ZNF804A: variants seen among roughly 807,000 people sequenced by gnomAD.
ZNF804A encodes zinc finger protein 804A.
Under a neutral mutation model 16.5 loss-of-function variants are expected in ZNF804A, and 2 were observed. That is an observed-to-expected ratio of 0.12 (90% CI 0.05 to 0.38). The LOEUF is 0.38. Ranked by LOEUF, ZNF804A falls within the 10% of genes least tolerant of loss-of-function variation. The pLI, the probability that ZNF804A is intolerant of heterozygous loss-of-function variation, is 0.99. For missense variants in ZNF804A, 1,473 were observed against 1,390.7 expected, an observed-to-expected ratio of 1.06 and a Z score of -0.94; for synonymous variants, 534 against 489.6, an observed-to-expected ratio of 1.09 and a Z score of -1.20.
At chr2:184,720,709 T>A (rs1693298980) in intron 1 of ZNF804A, among the ~76,000 whole-genome samples, 1 of 152,062 alleles carries the variant, frequency 6.6e-6, no homozygotes, top group Non-Finnish European at 1.5e-5. Flanking sequence ...TTCAGTGCAA[T>A]CTCTATCAAA....
chr2:184,750,084 G>T lies in ZNF804A; in HGVS notation c.112-116285G>T, dbSNP rs191991410. Among the ~76,000 whole-genome samples, 75 of 151,340 alleles carry T rather than the reference G, an allele frequency of 5.0e-4. No individual in the cohort carries two copies. The East Asian group carries it at 8.2e-3, about 16-fold the overall frequency. ...AGTTACATCGAGACTGTATATATGT[G>T]TTGTTCTTTCTTTGTACTAATTTTT... is the stretch of plus-strand genomic sequence containing the variant. On this transcript the variant is annotated intron_variant, in intron 1 of 3. Transcript: ENST00000302277.
chr2:184,717,508 T>C (rs944035253), intron 1 of ZNF804A, among the ~76,000 whole-genome samples: 2 of 152,176 alleles, frequency 1.3e-5, no homozygotes, highest in African/African-American at 4.8e-5. Flanking sequence ...GAATTCTTTG[T>C]GTTGAATACA....
chr2:184,643,939 A>G (rs1226146419), intron 1 of ZNF804A, among the ~76,000 whole-genome samples: 1 of 151,750 alleles, frequency 6.6e-6, no homozygotes, highest in Non-Finnish European at 1.5e-5. Flanking sequence ...CCTACTATGT[A>G]CCAATAATAA....
intron 2 of ZNF804A, among the ~76,000 whole-genome samples, chr2:184,886,949 T>C (rs1173589517): frequency 1.3e-5 from 2 of 152,240 alleles, no homozygotes; most frequent in Non-Finnish European, 2.9e-5. Flanking sequence ...GGTTCTTTGC[T>C]ACTTAAACAA....
rs202130822 is a variant in ZNF804A, at chr2:184,711,832, TTCTG to T, written c.111+112770_111+112773del. Among the ~76,000 whole-genome samples, 1,002 of 151,802 alleles carry T rather than the reference TTCTG, an allele frequency of 6.6e-3. 5 individuals carry two copies. Among genetic ancestry groups the T allele is most frequent in the African/African-American group, 0.022 (906 of 41,516 alleles). On this transcript the variant is annotated intron_variant, in intron 1 of 3. Transcript: ENST00000302277. ...CTGGGCTTTCTATTCTGTTCCATTA[TTCTG>T]TCTGTCTATTTTAATTTCATTATTA...
intron 1 of ZNF804A, among the ~76,000 whole-genome samples, chr2:184,604,562 C>T (rs764621218): frequency 2.6e-5 from 4 of 152,132 alleles, no homozygotes; most frequent in Non-Finnish European, 4.4e-5. Flanking sequence ...CAAATTCAGG[C>T]TGCCAAATTA....
intron 1 of ZNF804A, among the ~76,000 whole-genome samples, chr2:184,616,105 A>G (rs1691314444): frequency 6.6e-6 from 1 of 152,168 alleles, no homozygotes; most frequent in Non-Finnish European, 1.5e-5. Context: ...TTTTGCTGAG[A>G]AACATGACTA....
intron 2 of ZNF804A, among the ~76,000 whole-genome samples, chr2:184,884,512 A>G (rs1349607054): frequency 6.6e-6 from 1 of 152,174 alleles, no homozygotes; most frequent in Non-Finnish European, 1.5e-5. Flanking sequence ...ACTTAAAAAA[A>G]AAATCAAAGC....
chr2:184,693,451 G>A (rs768213925), intron 1 of ZNF804A, among the ~76,000 whole-genome samples: 15 of 152,028 alleles, frequency 9.9e-5, no homozygotes, highest in East Asian at 1.9e-4. Flanking sequence ...TTTATAATCC[G>A]CAGCTCATAA....
intron 2 of ZNF804A, among the ~76,000 whole-genome samples, chr2:184,914,160 A>G (rs1319923507): frequency 6.6e-6 from 1 of 152,182 alleles, no homozygotes; most frequent in Non-Finnish European, 1.5e-5. Context: ...ATCCTGCCAC[A>G]CATGCATTTT....
chr2:184,930,055 CA>C (rs1471507210), intron 2 of ZNF804A, among the ~76,000 whole-genome samples: 1 of 152,040 alleles, frequency 6.6e-6, no homozygotes, highest in Non-Finnish European at 1.5e-5. Context: ...TAGAAACACA[CA>C]ATGAAAGTAA....
rs544401840 is a variant in ZNF804A, at chr2:184,608,607, C to G, written c.111+9537C>G. ...GTGACCTTGTCTGACATTAGTGTAT[C>G]GTGAAACTTTATATTTGACAAGAGA... On this transcript the variant is annotated intron_variant, in intron 1 of 3. Coordinates refer to ENST00000302277, the MANE Select transcript of ZNF804A (RefSeq NM_194250.2). Among the ~76,000 whole-genome samples, 3 of 152,204 alleles carry G rather than the reference C, an allele frequency of 2.0e-5. No homozygotes were observed. The East Asian group carries it at 5.8e-4, about 29-fold the overall frequency.
At chr2:184,882,945 T>G (rs1345509665) in intron 2 of ZNF804A, among the ~76,000 whole-genome samples, 1 of 151,820 alleles carries the variant, frequency 6.6e-6, no homozygotes, top group Non-Finnish European at 1.5e-5. Flanking sequence ...CAGAGCTGGA[T>G]TGAAAGAAAT....
chr2:184,890,269 C>T (rs1684960093), intron 2 of ZNF804A, among the ~76,000 whole-genome samples: 1 of 152,122 alleles, frequency 6.6e-6, no homozygotes, highest in African/African-American at 2.4e-5. Context: ...GCTTATATGA[C>T]TTCGTTGATA....
Position 184,746,922 on chromosome 2 carries a change from T to C in ZNF804A, c.112-119447T>C, listed in dbSNP as rs527949919. Among the ~76,000 whole-genome samples, 22 of 151,572 alleles carry C rather than the reference T, an allele frequency of 1.5e-4. 1 individual carries two copies. Among genetic ancestry groups the C allele is most frequent in the Admixed American group, 1.3e-3 (20 of 15,156 alleles). On this transcript the variant is annotated intron_variant, in intron 1 of 3. Transcript: ENST00000302277. ...TGGTGGAATAATAAAGGACGTATTT[T>C]TGAGAAATCAAACTGAGAGAGTTTT...
chr2:184,920,713 A>C (rs1189855760), intron 2 of ZNF804A, among the ~76,000 whole-genome samples: 1 of 152,196 alleles, frequency 6.6e-6, no homozygotes, highest in Non-Finnish European at 1.5e-5. Context: ...AGTGGGTCTT[A>C]TGAAAAACCC....
At chr2:184,912,348 T>C (rs1276478788) in intron 2 of ZNF804A, among the ~76,000 whole-genome samples, 1 of 152,086 alleles carries the variant, frequency 6.6e-6, no homozygotes, top group East Asian at 1.9e-4. Context: ...TGTCCATTTA[T>C]TATTGATTGG....
chr2:184,889,140 T>C (rs1684943144), intron 2 of ZNF804A, among the ~76,000 whole-genome samples: 1 of 151,940 alleles, frequency 6.6e-6, no homozygotes. Flanking sequence ...TCACAATTTC[T>C]CTTCATGTAT....
At chr2:184,802,794 T>C (rs1277414528) in intron 1 of ZNF804A, among the ~76,000 whole-genome samples, 3 of 152,208 alleles carry the variant, frequency 2.0e-5, no homozygotes, top group Non-Finnish European at 2.9e-5. Context: ...TTTAAATACT[T>C]GCCATTAATC....
Sources: gnomAD v4.1 joint callset for allele counts (sites outside exome capture counted in the v4.1 genomes callset) on GRCh38, gnomAD v4.1.1 for gene constraint, MANE v1.5 for transcripts, NCBI Gene and HGNC (gene_info 2026-07-23, HGNC 2026-07-21) for gene names.